Variants in SPAG5 observed in about 807,000 individuals in gnomAD.
The protein encoded by SPAG5 is sperm-associated antigen 5.
Under a neutral mutation model 145.4 loss-of-function variants are expected in SPAG5, and 99 were observed. The ratio of observed to expected loss-of-function variants is 0.68; its 90% CI spans 0.58 to 0.80. SPAG5 has a LOEUF of 0.80. Ranked by LOEUF, SPAG5 falls within the 30% of genes least tolerant of loss-of-function variation. The pLI, the probability that SPAG5 is intolerant of heterozygous loss-of-function variation, is 0.00. For missense variants in SPAG5, 1,192 were observed against 1,416.0 expected (o/e 0.84, Z 2.54); for synonymous variants, 477 against 525.4 (o/e 0.91, Z 1.26).
intron 4 of SPAG5, among the ~76,000 whole-genome samples, chr17:28,589,602 ATT>A (rs1469974995): frequency 6.6e-6 from 1 of 152,086 alleles, no homozygotes; most frequent in Non-Finnish European, 1.5e-5. Context: ...AATGTAATAT[ATT>A]TTTATGCTTT....
At chr17:28,590,742 G>A (rs891976571) in intron 4 of SPAG5, among the ~76,000 whole-genome samples, 3 of 151,710 alleles carry the variant, frequency 2.0e-5, no homozygotes, top group Admixed American at 6.6e-5. Flanking sequence ...GGTGGCATGC[G>A]CTTGTAGTCC....
At chr17:28,587,247 C>CT (rs1232857327) in intron 4 of SPAG5, among the ~76,000 whole-genome samples, 1 of 131,664 alleles carries the variant, frequency 7.6e-6, no homozygotes, top group Non-Finnish European at 1.5e-5. Context: ...AACCCCATCT[C>CT]TAAAAAAAAA....
intron 15 of SPAG5, chr17:28,582,766 G>A (rs2070557100): frequency 6.6e-6 from 1 of 152,172 alleles, no homozygotes; most frequent in Non-Finnish European, 1.5e-5. Context: ...ATTGTTTAGT[G>A]CACACTGCAG....
chr17:28,579,705 C>T, intron 17 of SPAG5, 46 bp downstream of exon 17: 1 of 1,574,712 alleles, frequency 6.4e-7, no homozygotes, highest in Non-Finnish European at 8.7e-7. Context: ...CTCATCACCA[C>T]CAGATTTTCT....
chr17:28,598,834 C>G, intron 1 of SPAG5, 62 bp downstream of exon 1: 1 of 1,582,578 alleles, frequency 6.3e-7, no homozygotes, highest in Non-Finnish European at 8.7e-7. Context: ...ACAGTAGACA[C>G]GGCCGGTGCC....
intron 4 of SPAG5, among the ~76,000 whole-genome samples, chr17:28,589,661 G>C (rs1028506127): frequency 1.3e-5 from 2 of 152,098 alleles, no homozygotes; most frequent in Non-Finnish European, 2.9e-5. Flanking sequence ...TGTAATCCCA[G>C]TGCTTTGGGA....
intron 13 of SPAG5, 49 bp downstream of exon 13, chr17:28,584,101 C>A: frequency 1.2e-6 from 2 of 1,609,326 alleles, no homozygotes; most frequent in Non-Finnish European, 1.7e-6. Flanking sequence ...AGGCAAGAAT[C>A]ACACTCCTGA....
intron 2 of SPAG5, among the ~76,000 whole-genome samples, chr17:28,597,162 A>C (rs182779972): frequency 6.6e-6 from 1 of 152,092 alleles, no homozygotes; most frequent in Non-Finnish European, 1.5e-5. Context: ...CACACCTGTA[A>C]TCCCAGCACT....
chr17:28,596,046 C>CA (rs998997268), intron 2 of SPAG5, among the ~76,000 whole-genome samples: 11 of 140,756 alleles, frequency 7.8e-5, no homozygotes, highest in African/African-American at 2.1e-4. Context: ...GACTCCGTCT[C>CA]AAAAAAAAAA....
Position 28,586,517 on chromosome 17 carries a change from G to C in SPAG5, c.1438-18C>G. 6.3e-7 allele frequency: 1 copy of C among 1,596,834 alleles called. No individual in the cohort carries two copies. Among genetic ancestry groups the C allele is most frequent in the Non-Finnish European group, 8.6e-7 (1 of 1,164,490 alleles). The stretch of plus-strand genomic sequence containing the variant: ...TTAGTTATCTAGCCAGAAAAACAGA[G>C]TTGTTCCTTGTTTTGTTTGTTTGTT... On this transcript the variant is annotated intron_variant, in intron 4 of 23. Coordinates refer to ENST00000321765, the MANE Select transcript of SPAG5 (RefSeq NM_006461.4).
chr17:28,587,416 C>T (rs1245092987), intron 4 of SPAG5, among the ~76,000 whole-genome samples: 1 of 151,964 alleles, frequency 6.6e-6, no homozygotes, highest in South Asian at 2.1e-4. Context: ...CGTGGTGGCA[C>T]GTGCCTGTAA....
chr17:28,585,580 G>A lies in SPAG5; in HGVS notation c.1814C>T (p.Ser605Phe). The change falls in exon 8 of 24, where the codon TCC (serine) becomes TTC (phenylalanine). Residue 605 changes from serine (S) to phenylalanine (F), a missense_variant. By Grantham distance (155) the Ser-to-Phe change is radical. Transcript: ENST00000321765. ...RISQLEQDLA[S>F]MREFRGLLKD... is the part of the protein sequence containing the mutation. ...CAGAAGGCCTCTGAATTCCCGCATG[G>A]ATGCTAGGTCCTGTTCCAGCTGGCT... 1 of 1,614,128 alleles carries A rather than the reference G, an allele frequency of 6.2e-7. No individual in the cohort carries two copies. Among genetic ancestry groups the A allele is most frequent in the Non-Finnish European group, 8.5e-7 (1 of 1,180,046 alleles).
At chr17:28,585,730 A>AT (rs2070580631) in intron 7 of SPAG5, 77 bp from the exon 8 acceptor site, 1 of 1,609,264 alleles carries the variant, frequency 6.2e-7, no homozygotes, top group African/African-American at 1.3e-5. Flanking sequence ...ATGACACCTC[A>AT]ATAGATCAGT....
At chr17:28,578,137 C>T in intron 22 of SPAG5, 47 bp from the exon 23 acceptor site, 2 of 1,609,956 alleles carry the variant, frequency 1.2e-6, no homozygotes, top group South Asian at 2.2e-5. Context: ...AAAGAGCAAA[C>T]TTGGTAGGAC....
At chr17:28,588,544 C>T (rs2070600367) in intron 4 of SPAG5, among the ~76,000 whole-genome samples, 1 of 152,200 alleles carries the variant, frequency 6.6e-6, no homozygotes, top group Non-Finnish European at 1.5e-5. Flanking sequence ...AAGGAGGTCT[C>T]TGCACATTTG....
intron 10 of SPAG5, 134 bp from the exon 11 acceptor site, chr17:28,584,879 T>C: frequency 1.2e-6 from 1 of 810,222 alleles, no homozygotes; most frequent in Non-Finnish European, 2.0e-6. Context: ...AAAATAAGGT[T>C]GATCCTCAGG....
chr17:28,598,787 C>G, intron 1 of SPAG5, 109 bp downstream of exon 1: 1 of 1,519,058 alleles, frequency 6.6e-7, no homozygotes, highest in South Asian at 1.1e-5. Context: ...AAAGACTCCA[C>G]AAGCCCCCAA....
rs1423121914 is a variant in SPAG5 at position 28,585,361 on chromosome 17, A to C, written c.1911T>G (p.Leu637=). The stretch of plus-strand genomic sequence containing the variant: ...TCCAGTCTTGTTGCAAGGTAGAAGT[A>C]AGACTCACTGTCTGCTGAACCAGCT... ...QEELVQQTVS[L]TSTLQQDWRS... is the part of the protein sequence containing the mutation. Residue 637 remains leucine (L), a synonymous_variant, in exon 9 of 24, where the codon CTT becomes CTG. Coordinates refer to ENST00000321765, the MANE Select transcript of SPAG5 (RefSeq NM_006461.4). 6.8e-6 allele frequency: 11 copies of C among 1,614,134 alleles called. No individual in the cohort carries two copies. In the Admixed American group the frequency reaches 1.0e-4, roughly 15 times the overall value.
intron 19 of SPAG5, 108 bp from the exon 20 acceptor site, chr17:28,578,860 A>T: frequency 1.1e-6 from 1 of 898,358 alleles, no homozygotes; most frequent in Non-Finnish European, 1.8e-6. Context: ...ACATGGGACC[A>T]ATTGATATCA....
Sources: gnomAD v4.1 joint callset for allele counts (sites outside exome capture counted in the v4.1 genomes callset) on GRCh38, gnomAD v4.1.1 for gene constraint, MANE v1.5 for transcripts, NCBI Gene and HGNC (gene_info 2026-07-23, HGNC 2026-07-21) for gene names.